The following SH3RF3 variants were observed in gnomAD, a reference collection of about 807,000 sequenced individuals.
The protein encoded by SH3RF3 is SH3 domain containing ring finger 3, also known as E3 ubiquitin-protein ligase SH3RF3.
A neutral mutation model predicts 66.3 loss-of-function variants in SH3RF3; 29 were observed. That is an observed-to-expected ratio of 0.44 (90% CI 0.33 to 0.60). The LOEUF (loss-of-function observed/expected upper bound fraction) is 0.60. Ranked by LOEUF, SH3RF3 falls within the 20% of genes least tolerant of loss-of-function variation. The pLI, the probability that SH3RF3 is intolerant of heterozygous loss-of-function variation, is 0.04. For synonymous variants in SH3RF3, 583 were observed against 532.0 expected (o/e 1.10, Z -1.32); for missense variants, 1,194 against 1,190.9 (o/e 1.00, Z -0.04).
intron 1 of SH3RF3, among the ~76,000 whole-genome samples, chr2:109,326,293 T>C (rs1682154496): frequency 6.6e-6 from 1 of 152,248 alleles, no homozygotes; most frequent in Non-Finnish European, 1.5e-5. Flanking sequence ...GTACAGTTTT[T>C]CATGGATCTG....
chr2:109,299,802 C>T (rs1375573650), intron 1 of SH3RF3, among the ~76,000 whole-genome samples: 4 of 152,066 alleles, frequency 2.6e-5, no homozygotes, highest in South Asian at 2.1e-4. Flanking sequence ...GGTGTGGGCT[C>T]GTTTATTTAT....
At chr2:109,159,158 C>T (rs548929011) in intron 1 of SH3RF3, among the ~76,000 whole-genome samples, 1 of 152,334 alleles carries the variant, frequency 6.6e-6, no homozygotes, top group African/African-American at 2.4e-5. Flanking sequence ...AGTGTTCACC[C>T]ATGAGAAGGG....
chr2:109,223,333 G>A (rs771910706), intron 1 of SH3RF3, among the ~76,000 whole-genome samples: 28 of 152,188 alleles, frequency 1.8e-4, no homozygotes, highest in Non-Finnish European at 3.7e-4. Flanking sequence ...TCCCAGAGCC[G>A]ACAGAGCCAA....
At chr2:109,207,165 G>A (rs907895283) in intron 1 of SH3RF3, among the ~76,000 whole-genome samples, 1 of 152,208 alleles carries the variant, frequency 6.6e-6, no homozygotes, top group African/African-American at 2.4e-5. Context: ...TGACGACACA[G>A]TGCCACATTT....
chr2:109,392,421 C>G (rs1331607563), intron 3 of SH3RF3, among the ~76,000 whole-genome samples: 1 of 152,168 alleles, frequency 6.6e-6, no homozygotes, highest in African/African-American at 2.4e-5. Flanking sequence ...ACATTGCTGT[C>G]ACCTCGTGGT....
At chr2:109,448,055 C>T (rs183000219) in intron 7 of SH3RF3, among the ~76,000 whole-genome samples, 73 of 152,258 alleles carry the variant, frequency 4.8e-4, no homozygotes, top group African/African-American at 1.6e-3. Context: ...CAAGGCAGCT[C>T]TCACATGCTC....
chr2:109,490,303 C>T (rs1437243263), intron 8 of SH3RF3, among the ~76,000 whole-genome samples: 1 of 152,106 alleles, frequency 6.6e-6, no homozygotes, highest in African/African-American at 2.4e-5. Context: ...CCTCACAGTC[C>T]AGTAGAGAGG....
chr2:109,316,044 A>G (rs182953099), intron 1 of SH3RF3, among the ~76,000 whole-genome samples: 46 of 152,340 alleles, frequency 3.0e-4, no homozygotes, highest in African/African-American at 1.0e-3. Flanking sequence ...AAAGATTCCC[A>G]GTATTTAGAG....
rs184559157 is a variant in SH3RF3 at position 109,220,083 on chromosome 2, A to G, written c.573+89970A>G. On this transcript the variant is annotated intron_variant, in intron 1 of 9. Coordinates refer to ENST00000309415, the MANE Select transcript of SH3RF3 (RefSeq NM_001099289.3). ...ATTAGCATAAGGGATAGATATATAA[A>G]CCAATGGAATACAACAGAGATCCCA... Among the ~76,000 whole-genome samples, 7 of 152,328 alleles carry G rather than the reference A, an allele frequency of 4.6e-5. No homozygotes were observed. In the East Asian group the frequency reaches 1.4e-3, roughly 29 times the overall value.
At chr2:109,415,590 G>C (rs1362737684) in intron 4 of SH3RF3, among the ~76,000 whole-genome samples, 1 of 152,152 alleles carries the variant, frequency 6.6e-6, no homozygotes, top group Non-Finnish European at 1.5e-5. Flanking sequence ...TCCCTGCAAA[G>C]CTGCAGGTCC....
At position 109,129,708 on chromosome 2, in the gene SH3RF3, G is replaced by T. The variant is rs1204612606; in HGVS notation, c.168G>T (p.Glu56Asp). Residue 56 changes from glutamate (E) to aspartate (D), a missense_variant, in exon 1 of 10, where the codon GAG (glutamate) becomes GAT (aspartate). Coordinates refer to ENST00000309415, the MANE Select transcript of SH3RF3 (RefSeq NM_001099289.3). ...AGTCGTCGCTGCTGGACCTGCTGGA[G>T]TGCTCCGTGTGTCTGGAGCGCCTGG... ...MDESSLLDLLECSVCLERLDT... is the reference protein window; with the variant it reads ...MDESSLLDLLDCSVCLERLDT... 3 of 1,536,404 alleles carry T rather than the reference G, an allele frequency of 2.0e-6. No homozygotes were observed. The highest frequency in any genetic ancestry group is 1.4e-5 in the African/African-American group (1 of 72,254).
intron 1 of SH3RF3, among the ~76,000 whole-genome samples, chr2:109,327,564 T>A (rs1682188401): frequency 6.6e-6 from 1 of 152,204 alleles, no homozygotes; most frequent in Non-Finnish European, 1.5e-5. Context: ...ATACATCAAG[T>A]TGGGAGAAAA....
intron 1 of SH3RF3, among the ~76,000 whole-genome samples, chr2:109,292,662 C>G (rs1449544625): frequency 6.6e-6 from 1 of 152,182 alleles, no homozygotes; most frequent in African/African-American, 2.4e-5. Flanking sequence ...AGAAAAGCGT[C>G]TTTTTGGGAT....
chr2:109,328,189 A>G (rs990716931), intron 1 of SH3RF3, among the ~76,000 whole-genome samples: 2 of 152,222 alleles, frequency 1.3e-5, no homozygotes, highest in African/African-American at 4.8e-5. Flanking sequence ...ATATTAGTCC[A>G]TGTGTGGATT....
chr2:109,161,619 G>T (rs1033444221), intron 1 of SH3RF3, among the ~76,000 whole-genome samples: 2 of 152,030 alleles, frequency 1.3e-5, no homozygotes, highest in African/African-American at 4.8e-5. Context: ...CTGGAAGACT[G>T]GGCAACTGGC....
rs531832650 is a variant in SH3RF3, at chr2:109,293,219, T to G, written c.574-54455T>G. 3.8e-4 allele frequency among the ~76,000 whole-genome samples: 58 copies of G among 152,288 alleles called. 1 individual carries two copies. Among genetic ancestry groups the G allele is most frequent in the Admixed American group, 3.7e-3 (56 of 15,304 alleles). On this transcript the variant is annotated intron_variant, in intron 1 of 9. Coordinates refer to ENST00000309415, the MANE Select transcript of SH3RF3 (RefSeq NM_001099289.3). Reference sequence around the variant, plus strand: ...GGCCCTGCAGACAGACTCAACTGCCTTAGGGCACCCGTAGGAGGGAGGACA... The same window carrying G: ...GGCCCTGCAGACAGACTCAACTGCCGTAGGGCACCCGTAGGAGGGAGGACA...
At chr2:109,355,635 G>A (rs1227706471) in intron 2 of SH3RF3, among the ~76,000 whole-genome samples, 8 of 152,184 alleles carry the variant, frequency 5.3e-5, no homozygotes, top group Admixed American at 2.0e-4. Context: ...TCCCTTCAGC[G>A]TGGCTTTCCT....
chr2:109,452,214 C>T (rs1011877146), intron 8 of SH3RF3, among the ~76,000 whole-genome samples: 7 of 152,214 alleles, frequency 4.6e-5, no homozygotes, highest in Non-Finnish European at 8.8e-5. Flanking sequence ...GCCAGTGTGA[C>T]CTGCACCAGC....
chr2:109,325,283 G>A (rs1285596231), intron 1 of SH3RF3, among the ~76,000 whole-genome samples: 1 of 148,772 alleles, frequency 6.7e-6, no homozygotes, highest in South Asian at 2.2e-4. Context: ...AATCCCAGGA[G>A]TCATTGGATT....
Sources: allele counts gnomAD v4.1 joint callset (sites outside exome capture counted in the v4.1 genomes callset), GRCh38; gene constraint gnomAD v4.1.1; transcripts MANE v1.5; gene names NCBI Gene and HGNC (gene_info 2026-07-23, HGNC 2026-07-21).